The following ELN variants were observed in gnomAD, a reference collection of about 807,000 sequenced individuals.
ELN encodes the protein elastin.
In ELN, 65 loss-of-function variants were observed where a neutral mutation model predicts 105.8. The ratio of observed to expected loss-of-function variants is 0.61; its 90% CI spans 0.50 to 0.75. ELN has a LOEUF of 0.75. ELN is among the 30% of genes least tolerant of loss of function. The pLI is 0.00. For missense variants in ELN, 882 were observed against 969.4 expected, an observed-to-expected ratio of 0.91 and a Z score of 1.20; for synonymous variants, 368 against 389.2, an observed-to-expected ratio of 0.95 and a Z score of 0.64.
intron 1 of ELN, among the ~76,000 whole-genome samples, chr7:74,032,242 T>G (rs782004035): frequency 6.6e-6 from 1 of 152,104 alleles, no homozygotes. Context: ...ACAAGACAAG[T>G]GTTCTCCAGG....
intron 31 of ELN, among the ~76,000 whole-genome samples, chr7:74,066,446 A>G (rs530862568): frequency 1.3e-5 from 2 of 152,288 alleles, no homozygotes; most frequent in East Asian, 1.9e-4. Flanking sequence ...GGACGCCTGT[A>G]ATCCCAGCTA....
At chr7:74,062,944 T>C (rs1554685825) in intron 26 of ELN, among the ~76,000 whole-genome samples, 1 of 152,072 alleles carries the variant, frequency 6.6e-6, no homozygotes, top group Non-Finnish European at 1.5e-5. Context: ...GAGGCTGCAG[T>C]GAACTATGAT....
chr7:74,037,731 T>C lies in ELN; in HGVS notation c.188T>C (p.Leu63Pro). 1.2e-6 allele frequency: 2 copies of C among 1,612,190 alleles called. No individual in the cohort carries two copies. Among genetic ancestry groups the C allele is most frequent in the Non-Finnish European group, 8.5e-7 (1 of 1,179,306 alleles). The change falls in exon 4 of 33, where the codon CTT (leucine) becomes CCT (proline). Residue 63 changes from leucine to proline, a missense_variant. Coordinates refer to ENST00000252034, the MANE Select transcript of ELN (RefSeq NM_000501.4). ...GCGCTGGGGCCTGGAGGCAAACCTC[T>C]TAAGCCAGGTAAGACCCAAGGCCTC... ...GGALGPGGKP[L>P]KPVPGGLAGA...
At chr7:74,028,311 GCGGGCCC>G in intron 1 of ELN, 42 bp downstream of exon 1, 1 of 1,586,494 alleles carries the variant, frequency 6.3e-7, no homozygotes, top group East Asian at 2.3e-5. Context: ...GCCCACAGCT[GCGGGCCC>G]TTTGGGCCAG....
rs1554672604 is a variant in ELN at position 74,046,772 on chromosome 7, G to A, written c.643+5G>A. ...TCAAGGCCCCCAAGCTGCCTGGTAA[G>A]TCAGAGGGACGGTTCAAGATGCACC... On this transcript the variant is annotated splice_donor_5th_base_variant and intron_variant, in intron 12 of 32. Transcript: ENST00000252034. The A allele has an allele frequency of 3.1e-6, 5 of 1,614,072 alleles. No homozygotes were observed. In the Admixed American group the frequency reaches 6.7e-5, roughly 22 times the overall value.
intron 31 of ELN, among the ~76,000 whole-genome samples, chr7:74,066,526 C>T (rs917115221): frequency 6.6e-6 from 1 of 152,204 alleles, no homozygotes; most frequent in African/African-American, 2.4e-5. Flanking sequence ...AAGATCGCAC[C>T]ACTGCACTCC....
chr7:74,059,343 C>T (rs535982825), intron 22 of ELN, among the ~76,000 whole-genome samples: 50 of 152,260 alleles, frequency 3.3e-4, no homozygotes, highest in Non-Finnish European at 7.4e-4. Context: ...GTAAATCTGC[C>T]TCCATCAGCC....
chr7:74,038,175 C>T (rs1268837239), intron 4 of ELN: 28 of 290,552 alleles, frequency 9.6e-5, no homozygotes, highest in Non-Finnish European at 1.9e-4. Context: ...GCCCTTGACC[C>T]CAGACCAATA....
At chr7:74,053,419 C>T in intron 18 of ELN, 110 bp downstream of exon 18, 2 of 1,536,658 alleles carry the variant, frequency 1.3e-6, no homozygotes, top group Non-Finnish European at 8.8e-7. Context: ...ACACCATAAC[C>T]ATCTGCCCAT....
intron 32 of ELN, among the ~76,000 whole-genome samples, chr7:74,067,213 G>A (rs775024104): frequency 3.0e-4 from 45 of 152,130 alleles, no homozygotes; most frequent in Admixed American, 1.4e-3. Flanking sequence ...GAGGTCAGGA[G>A]ATGGAAACCA....
At chr7:74,067,460 G>T (rs1321186034) in intron 32 of ELN, among the ~76,000 whole-genome samples, 1 of 151,160 alleles carries the variant, frequency 6.6e-6, no homozygotes, top group Non-Finnish European at 1.5e-5. Context: ...TAGAGACGGG[G>T]TTTCACCATA....
intron 22 of ELN, among the ~76,000 whole-genome samples, chr7:74,058,204 TCTC>T (rs1297622533): frequency 1.3e-5 from 2 of 150,506 alleles, no homozygotes; most frequent in African/African-American, 4.9e-5. Flanking sequence ...TCTCCTTTCT[TCTC>T]CTTCTTCTTC....
At position 74,033,798 on chromosome 7, in the gene ELN, G is replaced by A. The variant is rs534302858; in HGVS notation, c.83-1566G>A. On this transcript the variant is annotated intron_variant, in intron 1 of 32. Transcript: ENST00000252034. ...CAGAGACACCCGTTCCCCCAGCCCC[G>A]CCCATGCCCCACGGGGCTCCCGGCC... 4.6e-4 allele frequency among the ~76,000 whole-genome samples: 70 copies of A among 152,304 alleles called. No homozygotes were observed. In the South Asian group the frequency reaches 0.013, roughly 29 times the overall value.
At position 74,048,089 on chromosome 7, in the gene ELN, G is replaced by A. The variant is rs1554673558; in HGVS notation, c.686-53G>A. On this transcript the variant is annotated intron_variant, in intron 13 of 32. Coordinates refer to ENST00000252034, the MANE Select transcript of ELN (RefSeq NM_000501.4). ...GAGGGCAGAGCAGGGGGAGGGGGAGGGCAGCAGTGGTGATGTCTGCACAGA... is the reference window on the plus strand; with the variant it reads ...GAGGGCAGAGCAGGGGGAGGGGGAGAGCAGCAGTGGTGATGTCTGCACAGA... 2.5e-6 allele frequency: 4 copies of A among 1,607,600 alleles called. No homozygotes were observed. The Admixed American group carries it at 6.7e-5, about 27-fold the overall frequency.
chr7:74,063,399 G>A lies in ELN; in HGVS notation c.1918+30G>A, dbSNP rs782195036. ...GCACTGGGTGGAGGTGGGAGCTGCC[G>A]CCAGGCCCCCAGGCCCCCAGGGTGT... On this transcript the variant is annotated intron_variant, in intron 28 of 32. Coordinates refer to ENST00000252034, the MANE Select transcript of ELN (RefSeq NM_000501.4). This position sits in a 1 kb window ranked among gnomAD's most constrained non-coding sequence, Gnocchi z 4.1. 19 of 1,544,232 alleles carry A rather than the reference G, an allele frequency of 1.2e-5. No individual in the cohort carries two copies. The highest frequency in any genetic ancestry group is 4.7e-5 in the South Asian group (4 of 84,336).
At chr7:74,061,211 G>A in intron 26 of ELN, 72 bp downstream of exon 26, 1 of 1,604,170 alleles carries the variant, frequency 6.2e-7, no homozygotes, top group Non-Finnish European at 8.5e-7. Flanking sequence ...GACTGGGGTG[G>A]TCACAATAGA....
chr7:74,047,599 A>C, intron 12 of ELN, 76 bp from the exon 13 acceptor site: 10 of 1,581,068 alleles, frequency 6.3e-6, no homozygotes, highest in Non-Finnish European at 8.7e-6. Flanking sequence ...CTGTGGGGGT[A>C]GATCTGTCCA....
In ELN at chr7:74,060,189, G is replaced by A. The variant is rs1554683349; in HGVS notation, c.1621+5G>A. 35 of 1,614,112 alleles carry A rather than the reference G, an allele frequency of 2.2e-5. No homozygotes were observed. Among genetic ancestry groups the A allele is most frequent in the Non-Finnish European group, 2.7e-5 (32 of 1,180,040 alleles). ...TGGCTGCCAAAGCCCAGCTCCGTGAGTGCCTCGCCCACCTTTCTCTCCTCT... is the reference window on the plus strand; with the variant it reads ...TGGCTGCCAAAGCCCAGCTCCGTGAATGCCTCGCCCACCTTTCTCTCCTCT... On this transcript the variant is annotated splice_donor_5th_base_variant and intron_variant, in intron 24 of 32. Coordinates refer to ENST00000252034, the MANE Select transcript of ELN (RefSeq NM_000501.4).
chr7:74,036,015 G>A (rs1554665379), intron 2 of ELN, among the ~76,000 whole-genome samples: 1 of 152,056 alleles, frequency 6.6e-6, no homozygotes, highest in East Asian at 1.9e-4. Context: ...TTGAGGCCAG[G>A]CACGGTGGCT....
Sources: allele counts gnomAD v4.1 joint callset (sites outside exome capture counted in the v4.1 genomes callset), GRCh38; gene constraint gnomAD v4.1.1; non-coding constraint Gnocchi (gnomAD v3.1); transcripts MANE v1.5; gene names NCBI Gene and HGNC (gene_info 2026-07-23, HGNC 2026-07-21).